ADGRB1: variants seen among roughly 807,000 people sequenced by gnomAD.
The protein encoded by ADGRB1 is brain-specific angiogenesis inhibitor 1.
In ADGRB1, 36 loss-of-function variants were observed where a neutral mutation model predicts 175.7. The observed-to-expected ratio is 0.20, with a 90% CI of 0.16 to 0.27. The LOEUF is 0.27. Among genes scored for constraint, ADGRB1 ranks in the 10% least tolerant of loss-of-function variants. The pLI, the probability that ADGRB1 is intolerant of heterozygous loss-of-function variation, is 1.00. For synonymous variants in ADGRB1, 1,054 were observed against 979.4 expected (o/e 1.08, Z -1.42); for missense variants, 1,731 against 2,255.3 (o/e 0.77, Z 4.71).
At position 142,510,916 on chromosome 8, in the gene ADGRB1, T is replaced by TGCCCCCC; in HGVS notation, c.2676-16_2676-15insGCCCCCC. 2 of 969,738 alleles carry TGCCCCCC rather than the reference T, an allele frequency of 2.1e-6. No individual in the cohort carries two copies. The highest frequency in any genetic ancestry group is 2.5e-6 in the Non-Finnish European group (2 of 789,298). 60.1% of individuals were successfully genotyped at this position (969,738 alleles called of 1,614,324 possible). A position where few individuals can be genotyped will look rare whatever the true frequency, so the allele number is the denominator to read the frequency against. Reference sequence around the variant, plus strand: ...ACGCTCCGCCTGTCTCCCTCCCGTGTCCCGCCCGCCCCCAGACCCTCCTCC... The same window carrying TGCCCCCC: ...ACGCTCCGCCTGTCTCCCTCCCGTGTGCCCCCCCCCGCCCGCCCCCAGACCCTCCTCC... On this transcript the variant is annotated splice_polypyrimidine_tract_variant and intron_variant, in intron 17 of 30. Transcript: ENST00000517894. The surrounding 1 kb of genome is among the most constrained non-coding windows in gnomAD (Gnocchi z 6.3).
At chr8:142,513,041 G>A (rs1042181310) in intron 18 of ADGRB1, among the ~76,000 whole-genome samples, 3 of 151,908 alleles carry the variant, frequency 2.0e-5, no homozygotes, top group Non-Finnish European at 2.9e-5. Context: ...GGCTGCTGTC[G>A]GGGGGCGCTT....
chr8:142,526,711 C>G, intron 24 of ADGRB1, 84 bp downstream of exon 24: 1 of 1,340,730 alleles, frequency 7.5e-7, no homozygotes, highest in Non-Finnish European at 1.0e-6. Flanking sequence ...GAGAACGCTC[C>G]ATGCCCAATC....
chr8:142,518,775 C>A (rs962640097), intron 19 of ADGRB1, among the ~76,000 whole-genome samples: 2 of 152,206 alleles, frequency 1.3e-5, no homozygotes, highest in African/African-American at 4.8e-5. Context: ...TGTGTGGACG[C>A]GCCTCCAGGC....
Position 142,543,408 on chromosome 8 carries a change from G to A in ADGRB1, c.4419G>A (p.Arg1473=). The change falls in exon 29 of 31, where the codon CGG becomes CGA. Residue 1473 remains arginine (R), a synonymous_variant. Transcript: ENST00000517894. This position sits in a 1 kb window ranked among gnomAD's most constrained non-coding sequence, Gnocchi z 4.4. ...CAAACCCCTTCTCCCTGCAGCGGCG[G>A]AAGTCGCGGTATGCAGAACTGGACT... ...ATLSVSSLER[R]KSRYAELDFE... 6.2e-7 allele frequency: 1 copy of A among 1,613,786 alleles called. No individual in the cohort carries two copies. Among genetic ancestry groups the A allele is most frequent in the South Asian group, 1.1e-5 (1 of 91,058 alleles).
At chr8:142,468,205 G>GGT (rs1401624659) in intron 2 of ADGRB1, among the ~76,000 whole-genome samples, 4 of 150,820 alleles carry the variant, frequency 2.7e-5, no homozygotes, top group Admixed American at 1.3e-4. Context: ...TGTAAGTGTG[G>GGT]GTGCGTGTGT....
chr8:142,491,368 T>A (rs559372686), intron 17 of ADGRB1, among the ~76,000 whole-genome samples: 1 of 152,044 alleles, frequency 6.6e-6, no homozygotes, highest in East Asian at 1.9e-4. Context: ...CCACGCCCCA[T>A]GTGGGGTTCC....
intron 14 of ADGRB1, 49 bp from the exon 15 acceptor site, chr8:142,488,986 C>T (rs776787596): frequency 3.1e-6 from 5 of 1,589,676 alleles, no homozygotes; most frequent in South Asian, 1.1e-5. Flanking sequence ...CAAGTCCCAC[C>T]CTGGCTGTGG....
At position 142,542,521 on chromosome 8, in the gene ADGRB1, G is replaced by T. The variant is rs777225823; in HGVS notation, c.4287G>T (p.Pro1429=). Residue 1429 remains proline, a synonymous_variant, in exon 28 of 31, where the codon CCG becomes CCT. Coordinates refer to ENST00000517894, the MANE Select transcript of ADGRB1 (RefSeq NM_001702.3). This position sits in a 1 kb window ranked among gnomAD's most constrained non-coding sequence, Gnocchi z 6.3. Reference sequence around the variant, plus strand: ...CTCCCCAGCAGCCCCTGCCCCCACCGCCCAATCTGGAGCCGGCACCCCCCA... The same window carrying T: ...CTCCCCAGCAGCCCCTGCCCCCACCTCCCAATCTGGAGCCGGCACCCCCCA... ...PPPPQQPLPP[P]PNLEPAPPSL... The T allele has an allele frequency of 7.4e-4, 856 of 1,155,378 alleles. 10 individuals are homozygous for T. The East Asian group carries it at 0.031, about 42-fold the overall frequency. The allele number at this position is 1,155,378 out of a possible 1,614,324, so 71.6% of individuals were successfully genotyped here.
In ADGRB1 at chr8:142,505,502, C is replaced by T. The variant is rs188502656; in HGVS notation, c.2676-5430C>T. On this transcript the variant is annotated intron_variant, in intron 17 of 30. Coordinates refer to ENST00000517894, the MANE Select transcript of ADGRB1 (RefSeq NM_001702.3). ...TGTGGCCCTGCACTGGGGCTGAGGGCGACGTGAGGTGGGGATCCACACTGG... is the reference window on the plus strand; with the variant it reads ...TGTGGCCCTGCACTGGGGCTGAGGGTGACGTGAGGTGGGGATCCACACTGG... 1.4e-3 allele frequency among the ~76,000 whole-genome samples: 210 copies of T among 152,060 alleles called. 1 individual carries two copies. The highest frequency in any genetic ancestry group is 4.5e-3 in the African/African-American group (186 of 41,502).
rs529119852 is a variant in ADGRB1, at chr8:142,511,873, C to T, written c.2817+800C>T. On this transcript the variant is annotated intron_variant, in intron 18 of 30. Coordinates refer to ENST00000517894, the MANE Select transcript of ADGRB1 (RefSeq NM_001702.3). This position sits in a 1 kb window ranked among gnomAD's most constrained non-coding sequence, Gnocchi z 4.5. ...GGGCGTGTGCTCACCAAGTAACCTC[C>T]GCCCAGACCTCGTGTGGAAGCCTGG... Among the ~76,000 whole-genome samples, 72 of 152,370 alleles carry T rather than the reference C, an allele frequency of 4.7e-4. No individual in the cohort carries two copies. The highest frequency in any genetic ancestry group is 1.6e-3 in the African/African-American group (68 of 41,592).
rs533809610 is a variant in ADGRB1, at chr8:142,488,383, C to G, written c.2328C>G (p.Leu776=). 8 of 1,613,114 alleles carry G rather than the reference C, an allele frequency of 5.0e-6. No individual in the cohort carries two copies. Among genetic ancestry groups the G allele is most frequent in the Non-Finnish European group, 6.8e-6 (8 of 1,179,826 alleles). ...TCCCAGTTCTCAGCATCCATAAGCT[C>G]CCAGCCAGCGGAGCCACTGACATCA... ...TDNLVLSIHK[L]PASGATDISF... Residue 776 remains leucine, a synonymous_variant, in exon 14 of 31, where the codon CTC becomes CTG. Coordinates refer to ENST00000517894, the MANE Select transcript of ADGRB1 (RefSeq NM_001702.3).
intron 27 of ADGRB1, among the ~76,000 whole-genome samples, chr8:142,541,094 A>G (rs1047299406): frequency 6.6e-6 from 1 of 151,740 alleles, no homozygotes; most frequent in Non-Finnish European, 1.5e-5. Context: ...ATGGGGCAGG[A>G]CACAGGGGGC....
At chr8:142,533,739 A>C (rs147816715) in intron 25 of ADGRB1, among the ~76,000 whole-genome samples, 2 of 152,248 alleles carry the variant, frequency 1.3e-5, no homozygotes, top group East Asian at 3.9e-4. Context: ...ACGAAAGCAC[A>C]TGGGGCCCCC....
intron 22 of ADGRB1, among the ~76,000 whole-genome samples, chr8:142,523,166 A>T (rs776528529): frequency 6.6e-6 from 1 of 152,132 alleles, no homozygotes; most frequent in Non-Finnish European, 1.5e-5. Flanking sequence ...TGTCACTGAG[A>T]CCCTGAAGGG....
chr8:142,509,888 G>A (rs1842992463), intron 17 of ADGRB1, among the ~76,000 whole-genome samples: 4 of 152,174 alleles, frequency 2.6e-5, no homozygotes, highest in Admixed American at 2.6e-4. Flanking sequence ...GACCTTGGGT[G>A]GGGCTGGGGA....
chr8:142,513,803 G>A lies in ADGRB1; in HGVS notation c.2817+2730G>A, dbSNP rs973864153. On this transcript the variant is annotated intron_variant, in intron 18 of 30. Transcript: ENST00000517894. ...TGAGTAGCAGCCATTGCAGAGTGAG[G>A]AAGGCATGAAGCTGCGGGGAAGTGG... 7.9e-5 allele frequency among the ~76,000 whole-genome samples: 12 copies of A among 152,102 alleles called. No homozygotes were observed. The East Asian group carries it at 2.3e-3, about 29-fold the overall frequency.
chr8:142,541,902 C>T (rs759817031), intron 27 of ADGRB1, 39 bp from the exon 28 acceptor site: 4 of 1,509,446 alleles, frequency 2.6e-6, no homozygotes, highest in Non-Finnish European at 3.5e-6. Flanking sequence ...ATCCTCACCC[C>T]CACACCTGTC....
intron 18 of ADGRB1, among the ~76,000 whole-genome samples, chr8:142,515,354 C>A (rs1198513052): frequency 6.6e-6 from 1 of 152,234 alleles, no homozygotes; most frequent in Non-Finnish European, 1.5e-5. Flanking sequence ...CAGGCCACCG[C>A]CCATCCCTTC....
At chr8:142,527,175 G>A (rs562072100) in intron 24 of ADGRB1, among the ~76,000 whole-genome samples, 1 of 152,336 alleles carries the variant, frequency 6.6e-6, no homozygotes, top group African/African-American at 2.4e-5. Context: ...AGACAGAGGC[G>A]CTTGGGATGT....
Sources: allele counts gnomAD v4.1 joint callset (sites outside exome capture counted in the v4.1 genomes callset), GRCh38; gene constraint gnomAD v4.1.1; non-coding constraint Gnocchi (gnomAD v3.1); transcripts MANE v1.5; gene names NCBI Gene and HGNC (gene_info 2026-07-23, HGNC 2026-07-21).